The following GTF3C1 variants were observed in gnomAD, a reference collection of about 807,000 sequenced individuals.
The protein encoded by GTF3C1 is general transcription factor 3C polypeptide 1.
Under a neutral mutation model 226.7 loss-of-function variants are expected in GTF3C1, and 57 were observed. The ratio of observed to expected loss-of-function variants is 0.25; its 90% CI spans 0.20 to 0.31. GTF3C1 has a LOEUF of 0.31. Among genes scored for constraint, GTF3C1 ranks in the 10% least tolerant of loss-of-function variants. The pLI is 1.00. For missense variants in GTF3C1, 2,217 were observed against 2,776.1 expected (o/e 0.80, Z 4.53); for synonymous variants, 1,090 against 1,084.8 (o/e 1.00, Z -0.09).
intron 23 of GTF3C1, among the ~76,000 whole-genome samples, 187 bp downstream of exon 23, chr16:27,488,040 T>G (rs232065): frequency 0.18 from 26,594 of 151,712 alleles, 2,565 homozygotes; most frequent in African/African-American, 0.25. Flanking sequence ...GATATTCGAG[T>G]CTCTCTCATC....
chr16:27,517,972 C>CT (rs1212428512), intron 6 of GTF3C1, among the ~76,000 whole-genome samples: 1 of 152,204 alleles, frequency 6.6e-6, no homozygotes, highest in African/African-American at 2.4e-5. Context: ...AACCAAGAGT[C>CT]TGTGTTTCTC....
At chr16:27,503,883 G>A (rs2088445406) in intron 10 of GTF3C1, among the ~76,000 whole-genome samples, 1 of 152,126 alleles carries the variant, frequency 6.6e-6, no homozygotes, top group Non-Finnish European at 1.5e-5. Context: ...AAGTGCCCAA[G>A]GAGGTCACTC....
Position 27,463,825 on chromosome 16 carries a change from GC to G in GTF3C1, c.5873-234del. 1.8e-6 allele frequency: 1 copy of G among 543,228 alleles called. No individual in the cohort carries two copies. Among genetic ancestry groups the G allele is most frequent in the Non-Finnish European group, 3.2e-6 (1 of 311,072 alleles). 33.7% of individuals were successfully genotyped at this position (543,228 alleles called of 1,614,324 possible). On this transcript the variant is annotated intron_variant, in intron 34 of 36. Transcript: ENST00000356183. The surrounding 1 kb of genome is among the most constrained non-coding windows in gnomAD (Gnocchi z 4.9). Reference sequence around the variant, plus strand: ...CAAGCAGCGTCCCAGGCCCGGACAAGCCCCACATTGCAGGAAGCCAGCGAAC... The same window carrying G: ...CAAGCAGCGTCCCAGGCCCGGACAAGCCCACATTGCAGGAAGCCAGCGAAC...
At chr16:27,477,584 C>T (rs769041660) in intron 28 of GTF3C1, among the ~76,000 whole-genome samples, 1 of 152,218 alleles carries the variant, frequency 6.6e-6, no homozygotes, top group African/African-American at 2.4e-5. Context: ...GGATTACAGG[C>T]GTGAGGCACT....
chr16:27,527,350 T>C (rs540228245), intron 6 of GTF3C1, among the ~76,000 whole-genome samples: 1 of 152,206 alleles, frequency 6.6e-6, no homozygotes, highest in Non-Finnish European at 1.5e-5. Context: ...CCTGGCTAAT[T>C]TTTTGCACTT....
intron 32 of GTF3C1, among the ~76,000 whole-genome samples, chr16:27,467,977 C>A (rs2087809407): frequency 6.6e-6 from 1 of 152,012 alleles, no homozygotes; most frequent in African/African-American, 2.4e-5. Context: ...AAGGAGCCAC[C>A]ATTCTAGATG....
chr16:27,465,654 C>G, intron 32 of GTF3C1, 114 bp from the exon 33 acceptor site: 1 of 825,986 alleles, frequency 1.2e-6, no homozygotes, highest in Non-Finnish European at 1.9e-6. Context: ...ACTGCTTCCC[C>G]GACAGCCACA....
intron 24 of GTF3C1, among the ~76,000 whole-genome samples, chr16:27,484,852 G>A (rs543603078): frequency 2.9e-4 from 44 of 152,324 alleles, no homozygotes; most frequent in African/African-American, 9.9e-4. Flanking sequence ...TGAGAAAGCC[G>A]CTTGACGAGT....
At chr16:27,546,120 T>G (rs2089158883) in intron 1 of GTF3C1, among the ~76,000 whole-genome samples, 1 of 152,212 alleles carries the variant, frequency 6.6e-6, no homozygotes, top group African/African-American at 2.4e-5. Flanking sequence ...GTGCTGAGAT[T>G]ACAGGTGGGA....
Position 27,533,391 on chromosome 16 carries a change from C to A in GTF3C1, c.753-4G>T. The A allele has an allele frequency of 1.9e-6, 3 of 1,542,074 alleles. No homozygotes were observed. Among genetic ancestry groups the A allele is most frequent in the Non-Finnish European group, 2.7e-6 (3 of 1,114,364 alleles). ...GAGGATGTCGTATTTGCTCCTCCTG[C>A]AAGAAACACCGAGCAATTCGTTTTT... On this transcript the variant is annotated splice_polypyrimidine_tract_variant and splice_region_variant and intron_variant, in intron 4 of 36. Transcript: ENST00000356183.
intron 6 of GTF3C1, among the ~76,000 whole-genome samples, chr16:27,519,138 G>T (rs946448138): frequency 6.6e-6 from 1 of 151,164 alleles, no homozygotes; most frequent in Non-Finnish European, 1.5e-5. Context: ...GACAGTAAAG[G>T]ATACTAAGAA....
intron 5 of GTF3C1, among the ~76,000 whole-genome samples, chr16:27,530,766 G>A (rs1596655886): frequency 6.6e-6 from 1 of 152,062 alleles, no homozygotes; most frequent in African/African-American, 2.4e-5. Context: ...CTCTACAGGG[G>A]GCCAGGCACT....
Position 27,516,388 on chromosome 16 carries a change from G to A in GTF3C1, c.974-4487C>T, listed in dbSNP as rs181881464. 4.9e-4 allele frequency among the ~76,000 whole-genome samples: 75 copies of A among 152,322 alleles called. No homozygotes were observed. In the East Asian group the frequency reaches 0.014, roughly 28 times the overall value. ...TGTGGGTGGGCCACAGCTGAAACTG[G>A]GCCCAGCGTGAGGCGGCTGTGCTTC... On this transcript the variant is annotated intron_variant, in intron 6 of 36. Coordinates refer to ENST00000356183, the MANE Select transcript of GTF3C1 (RefSeq NM_001520.4).
chr16:27,495,190 G>A (rs2088297170), intron 15 of GTF3C1, 21 bp downstream of exon 15: 1 of 1,582,546 alleles, frequency 6.3e-7, no homozygotes, highest in Non-Finnish European at 8.7e-7. Context: ...CCCAGGTGCA[G>A]GAGTGGCAGG....
intron 4 of GTF3C1, among the ~76,000 whole-genome samples, chr16:27,536,697 C>T (rs1248290911): frequency 6.6e-6 from 1 of 152,142 alleles, no homozygotes; most frequent in Non-Finnish European, 1.5e-5. Context: ...ATGCACCTCC[C>T]CTCCCCATTA....
At chr16:27,482,289 T>C (rs1388497799) in intron 26 of GTF3C1, among the ~76,000 whole-genome samples, 1 of 152,032 alleles carries the variant, frequency 6.6e-6, no homozygotes, top group African/African-American at 2.4e-5. Context: ...CCTGATGACA[T>C]CTCTGCTCCC....
chr16:27,549,718 C>G lies in GTF3C1; in HGVS notation c.173G>C (p.Ser58Thr). 6.2e-7 allele frequency: 1 copy of G among 1,609,850 alleles called. No individual in the cohort carries two copies. Among genetic ancestry groups the G allele is most frequent in the Non-Finnish European group, 8.5e-7 (1 of 1,179,084 alleles). Residue 58 changes from serine to threonine, a missense_variant, in exon 1 of 37, where the codon AGC becomes ACC. Transcript: ENST00000356183. ...WRALATHPGI[S>T]FYEEPRERPD... ...TCGCTCCCGAGGCTCCTCATAGAAG[C>G]TGATGCCCGGGTGCGTGGCGAGGGC...
intron 16 of GTF3C1, 51 bp downstream of exon 16, chr16:27,494,712 A>G (rs950471137): frequency 2.7e-6 from 4 of 1,455,024 alleles, no homozygotes; most frequent in Non-Finnish European, 3.9e-6. Context: ...TAGGCCCTCC[A>G]GCCCAGAGCT....
At chr16:27,478,377 G>A (rs2087985091) in intron 28 of GTF3C1, 92 bp downstream of exon 28, 1 of 885,298 alleles carries the variant, frequency 1.1e-6, no homozygotes, top group African/African-American at 1.6e-5. Flanking sequence ...TAGTGGGCTG[G>A]ATTTGGCCCT....
Sources: allele counts gnomAD v4.1 joint callset (sites outside exome capture counted in the v4.1 genomes callset), GRCh38; gene constraint gnomAD v4.1.1; non-coding constraint Gnocchi (gnomAD v3.1); transcripts MANE v1.5; gene names NCBI Gene and HGNC (gene_info 2026-07-23, HGNC 2026-07-21).